The following PUM2 variants were observed in gnomAD, a reference collection of about 807,000 sequenced individuals.
PUM2 encodes the protein pumilio RNA binding family member 2, also known as pumilio homolog 2.
PUM2 carries 57 observed loss-of-function variants against 124.5 expected under a neutral mutation model. That is an observed-to-expected ratio of 0.46 (90% CI 0.37 to 0.57). The LOEUF is 0.57. Among genes scored for constraint, PUM2 ranks in the 20% least tolerant of loss-of-function variants. The pLI is 0.00. For synonymous variants in PUM2, 460 were observed against 446.1 expected, an observed-to-expected ratio of 1.03 and a Z score of -0.39; for missense variants, 1,065 against 1,290.6, an observed-to-expected ratio of 0.83 and a Z score of 2.68.
chr2:20,290,855 A>C (rs1318893177), intron 9 of PUM2, 65 bp from the exon 10 acceptor site: 3 of 1,277,276 alleles, frequency 2.3e-6, no homozygotes, highest in Admixed American at 2.9e-5. Context: ...TTTATCTTGG[A>C]CAACTGTGTA....
chr2:20,316,537 T>A (rs1240416300), intron 3 of PUM2, among the ~76,000 whole-genome samples: 1 of 152,088 alleles, frequency 6.6e-6, no homozygotes, highest in African/African-American at 2.4e-5. Context: ...ATATATGATC[T>A]AGCTGTACGC....
At chr2:20,302,876 A>G (rs1677331305) in intron 7 of PUM2, among the ~76,000 whole-genome samples, 2 of 152,204 alleles carry the variant, frequency 1.3e-5, no homozygotes, top group South Asian at 4.1e-4. Flanking sequence ...TAAAACCAAT[A>G]TGGACTGCAG....
In PUM2 at chr2:20,308,469, GTGGTTTATTAGC is replaced by G; in HGVS notation, c.622_633del (p.Ala208_Pro211del). 6.2e-7 allele frequency: 1 copy of G among 1,614,124 alleles called. No individual in the cohort carries two copies. Among genetic ancestry groups the G allele is most frequent in the Non-Finnish European group, 8.5e-7 (1 of 1,180,002 alleles). On this transcript the variant is annotated inframe_deletion, in exon 6 of 21. Transcript: ENST00000361078. ...TCAGGATTTGAAAATTCTTCAACAA[GTGGTTTATTAGC>G]TGTAGGATTAGGAAGAGGCCCCAGT...
chr2:20,307,458 T>C (rs1465490073), intron 7 of PUM2, among the ~76,000 whole-genome samples: 1 of 152,182 alleles, frequency 6.6e-6, no homozygotes, highest in East Asian at 1.9e-4. Flanking sequence ...CTGTTTTTGA[T>C]ACTGTACTGT....
At chr2:20,291,731 A>T (rs1237264006) in intron 9 of PUM2, among the ~76,000 whole-genome samples, 1 of 151,606 alleles carries the variant, frequency 6.6e-6, no homozygotes, top group East Asian at 1.9e-4. Flanking sequence ...CATCCTTTTC[A>T]TGTCTTTTAT....
At chr2:20,307,723 A>C (rs552966209) in intron 7 of PUM2, among the ~76,000 whole-genome samples, 1 of 152,356 alleles carries the variant, frequency 6.6e-6, no homozygotes, top group East Asian at 1.9e-4. Flanking sequence ...GACTTTCTCA[A>C]CTTCACATTG....
At chr2:20,335,028 T>C (rs565145435) in intron 1 of PUM2, among the ~76,000 whole-genome samples, 2 of 152,232 alleles carry the variant, frequency 1.3e-5, no homozygotes, top group South Asian at 4.1e-4. Flanking sequence ...GCTCTCTGCA[T>C]CCTCTCACCT....
chr2:20,275,384 A>G (rs969087868), intron 13 of PUM2, among the ~76,000 whole-genome samples: 8 of 152,132 alleles, frequency 5.3e-5, no homozygotes, highest in Non-Finnish European at 8.8e-5. Flanking sequence ...AGTAAAGGAA[A>G]GAATCTTGCA....
Position 20,253,811 on chromosome 2 carries a change from T to C in PUM2, c.3063+11A>G. On this transcript the variant is annotated intron_variant, in intron 20 of 20. Coordinates refer to ENST00000361078, the MANE Select transcript of PUM2 (RefSeq NM_015317.5). ...GACAAACAGTTATCTGAGTGTTACA[T>C]GCTGTATTACCTTGTGCATGATTAT... 1 of 1,597,096 alleles carries C rather than the reference T, an allele frequency of 6.3e-7. No homozygotes were observed. Among genetic ancestry groups the C allele is most frequent in the South Asian group, 1.1e-5 (1 of 89,336 alleles).
chr2:20,341,760 GCTAT>G (rs1687267484), intron 1 of PUM2, among the ~76,000 whole-genome samples: 1 of 152,102 alleles, frequency 6.6e-6, no homozygotes, highest in South Asian at 2.1e-4. Context: ...GTCTCACATG[GCTAT>G]CTTAGTAATT....
chr2:20,281,094 G>C (rs939977871), intron 12 of PUM2, among the ~76,000 whole-genome samples: 1 of 152,058 alleles, frequency 6.6e-6, no homozygotes. Context: ...GTGCAAACTT[G>C]TAAGAGTCCA....
At chr2:20,264,371 T>TATATAC (rs1553362357) in intron 13 of PUM2, among the ~76,000 whole-genome samples, 806 of 51,970 alleles carry the variant, frequency 0.016, 31 homozygotes, top group African/African-American at 0.061. Context: ...AAAAAAAATA[T>TATATAC]ATATATATAT....
intron 13 of PUM2, among the ~76,000 whole-genome samples, chr2:20,275,282 T>C (rs558569329): frequency 1.3e-5 from 2 of 152,064 alleles, no homozygotes; most frequent in South Asian, 4.1e-4. Flanking sequence ...AACATATCAA[T>C]TATCCCCAAA....
chr2:20,287,683 T>G (rs1673054490), intron 10 of PUM2, among the ~76,000 whole-genome samples: 1 of 151,646 alleles, frequency 6.6e-6, no homozygotes, highest in Non-Finnish European at 1.5e-5. Context: ...AGGCCAGGAG[T>G]TCAAGACCAG....
intron 8 of PUM2, among the ~76,000 whole-genome samples, chr2:20,295,427 A>C (rs1675278831): frequency 6.6e-6 from 1 of 152,188 alleles, no homozygotes; most frequent in South Asian, 2.1e-4. Flanking sequence ...AAAAAAGCCC[A>C]GTATATTTGA....
At chr2:20,311,713 A>G (rs972377393) in intron 4 of PUM2, 50 bp from the exon 5 acceptor site, 19 of 1,562,684 alleles carry the variant, frequency 1.2e-5, no homozygotes, top group South Asian at 8.3e-5. Flanking sequence ...GAACACAAAA[A>G]AAAGGCACCA....
At chr2:20,306,853 T>C (rs1395799867) in intron 7 of PUM2, among the ~76,000 whole-genome samples, 1 of 151,440 alleles carries the variant, frequency 6.6e-6, no homozygotes, top group Non-Finnish European at 1.5e-5. Context: ...GTGATCCACC[T>C]GCCTCAGCCT....
intron 15 of PUM2, 92 bp downstream of exon 15, chr2:20,260,245 G>T: frequency 1.5e-6 from 2 of 1,301,378 alleles, no homozygotes; most frequent in Admixed American, 2.5e-5. Context: ...TTTTTTATAT[G>T]AAAATGACTT....
At position 20,313,351 on chromosome 2, in the gene PUM2, G is replaced by A. The variant is rs370708550; in HGVS notation, c.161-928C>T. Among the ~76,000 whole-genome samples the A allele has an allele frequency of 3.5e-4, 54 of 152,264 alleles. 1 individual carries two copies. In the South Asian group the frequency reaches 0.01, roughly 29 times the overall value. On this transcript the variant is annotated intron_variant, in intron 3 of 20. Transcript: ENST00000361078. ...CATCTTGAAAATACAGACGGAAAGCGCCATTTGGCAATAAACATATAAAAA... is the reference window on the plus strand; with the variant it reads ...CATCTTGAAAATACAGACGGAAAGCACCATTTGGCAATAAACATATAAAAA...
Sources: gnomAD v4.1 joint callset for allele counts (sites outside exome capture counted in the v4.1 genomes callset) on GRCh38, gnomAD v4.1.1 for gene constraint, MANE v1.5 for transcripts, NCBI Gene and HGNC (gene_info 2026-07-23, HGNC 2026-07-21) for gene names.